GMEB1: variants seen among roughly 807,000 people sequenced by gnomAD.
GMEB1 encodes glucocorticoid modulatory element binding protein 1, also known as glucocorticoid modulatory element-binding protein 1.
Under a neutral mutation model 52.4 loss-of-function variants are expected in GMEB1, and 6 were observed. That is an observed-to-expected ratio of 0.11 (90% CI 0.06 to 0.23). The LOEUF is 0.23. Among genes scored for constraint, GMEB1 ranks in the 10% least tolerant of loss-of-function variants. The probability of loss-of-function intolerance (pLI) is 1.00; values close to 1 mark genes in which losing one functional copy is unlikely to be tolerated. For missense variants in GMEB1, 486 were observed against 685.6 expected, an observed-to-expected ratio of 0.71 and a Z score of 3.25; for synonymous variants, 255 against 244.9, an observed-to-expected ratio of 1.04 and a Z score of -0.38.
chr1:28,687,804 A>T (rs1669756239), intron 2 of GMEB1, among the ~76,000 whole-genome samples: 1 of 151,816 alleles, frequency 6.6e-6, no homozygotes, highest in Non-Finnish European at 1.5e-5. Context: ...GACTATGTGG[A>T]GTTGTGAAGG....
chr1:28,714,634 C>T lies in GMEB1; in HGVS notation c.1553C>T (p.Pro518Leu), dbSNP rs148243859. 2.3e-5 allele frequency: 37 copies of T among 1,613,904 alleles called. No homozygotes were observed. Among genetic ancestry groups the T allele is most frequent in the Non-Finnish European group, 2.9e-5 (34 of 1,180,012 alleles). The change falls in exon 10 of 10, where the codon CCG (proline) becomes CTG (leucine). Residue 518 changes from proline to leucine, a missense_variant. Physicochemically the swap from Pro to Leu is moderately conservative, Grantham distance 98. Transcript: ENST00000373816. ...ACCATCATTGAGATTGATCCAGCCC[C>T]GGACCCAGAAGCTGAAGATACTGAG... The part of the protein sequence containing the change: ...GQTIIEIDPA[P>L]DPEAEDTEGK...
chr1:28,709,263 C>A (rs1040580903), intron 8 of GMEB1, among the ~76,000 whole-genome samples: 1 of 151,958 alleles, frequency 6.6e-6, no homozygotes, highest in East Asian at 1.9e-4. Flanking sequence ...GCCAAGATTG[C>A]GCCATTGCAC....
At position 28,702,521 on chromosome 1, in the gene GMEB1, A is replaced by G; in HGVS notation, c.682A>G (p.Thr228Ala). ...EWNSALTAAV[T>A]MATEEGVKKD... is the part of the protein sequence containing the mutation. The stretch of plus-strand genomic sequence containing the variant: ...GAACTCAGCTCTCACCGCTGCTGTC[A>G]CCATGGCCACGGAGGAGGGTGTAAA... The change falls in exon 7 of 10, where the codon ACC becomes GCC. Residue 228 changes from threonine to alanine, a missense_variant. By Grantham distance (58) the Thr-to-Ala change is moderately conservative. Transcript: ENST00000373816. 1 of 1,613,758 alleles carries G rather than the reference A, an allele frequency of 6.2e-7. No homozygotes were observed. The highest frequency in any genetic ancestry group is 8.5e-7 in the Non-Finnish European group (1 of 1,179,740).
At chr1:28,697,714 C>T (rs551769966) in intron 6 of GMEB1, among the ~76,000 whole-genome samples, 2 of 152,336 alleles carry the variant, frequency 1.3e-5, no homozygotes, top group South Asian at 4.1e-4. Flanking sequence ...ACTTACATAA[C>T]AGTTTCACTT....
rs913936229 is a variant in GMEB1 at position 28,690,240 on chromosome 1, T to A, written c.211+54T>A. The A allele has an allele frequency of 7.5e-6, 6 of 795,530 alleles. 1 individual carries two copies. In the South Asian group the frequency reaches 1.0e-4, roughly 14 times the overall value. 49.3% of individuals were successfully genotyped at this position (795,530 alleles called of 1,614,324 possible). ...TTTTTTTTTTGTCATTCTAATACCT[T>A]TGACTTTAGCTTCCTTGGTTGAGTT... On this transcript the variant is annotated intron_variant, in intron 3 of 9. Transcript: ENST00000373816.
intron 6 of GMEB1, 75 bp downstream of exon 6, chr1:28,697,159 GTACATATATATATA>G (rs1191961974): frequency 1.1e-5 from 2 of 190,276 alleles, no homozygotes; most frequent in Admixed American, 9.8e-5. Context: ...TCCCTTGTGT[GTACATATATATATA>G]TATATATATA....
At chr1:28,710,455 GC>G (rs1483913880) in intron 8 of GMEB1, 64 bp from the exon 9 acceptor site, 2 of 1,315,818 alleles carry the variant, frequency 1.5e-6, no homozygotes, top group East Asian at 5.2e-5. Context: ...TTTATAAACA[GC>G]ACAATGGAGA....
rs1399256461 is a variant in GMEB1, at chr1:28,687,379, C to CAAAAAAAAAAAAAAA, written c.129-2724_129-2723insAAAAAAAAAAAAAAA. Among the ~76,000 whole-genome samples the CAAAAAAAAAAAAAAA allele has an allele frequency of 6.1e-4, 10 of 16,376 alleles. 3 individuals carry two copies. The highest frequency in any genetic ancestry group is 9.7e-4 in the African/African-American group (6 of 6,156). The allele number at this position is 16,376 out of a possible 152,430, so 10.7% of individuals were successfully genotyped here. A position where few individuals can be genotyped will look rare whatever the true frequency, so the allele number is the denominator to read the frequency against. On this transcript the variant is annotated intron_variant, in intron 2 of 9. Coordinates refer to ENST00000373816, the MANE Select transcript of GMEB1 (RefSeq NM_001319674.2). ...ACACACACACACACACACACACACA[C>CAAAAAAAAAAAAAAA]ACACACACAAAAAAAGACAGTGGAG...
At chr1:28,710,962 A>T (rs1273268834) in intron 9 of GMEB1, among the ~76,000 whole-genome samples, 1 of 152,086 alleles carries the variant, frequency 6.6e-6, no homozygotes, top group Non-Finnish European at 1.5e-5. Context: ...TACATTATTG[A>T]TACTGCATCT....
At chr1:28,677,745 TCCTTTTTG>T (rs1490188677) in intron 1 of GMEB1, among the ~76,000 whole-genome samples, 2 of 152,192 alleles carry the variant, frequency 1.3e-5, no homozygotes, top group African/African-American at 4.8e-5. Flanking sequence ...TTTATCACAT[TCCTTTTTG>T]GCCTTTTCTA....
intron 2 of GMEB1, among the ~76,000 whole-genome samples, chr1:28,686,682 A>T (rs28532240): frequency 6.6e-6 from 1 of 151,154 alleles, no homozygotes; most frequent in African/African-American, 2.4e-5. Flanking sequence ...TATTCTTTTA[A>T]GAGATTTTTC....
chr1:28,690,203 G>GTTTTTT lies in GMEB1; in HGVS notation c.211+33_211+38dup, dbSNP rs878890649. On this transcript the variant is annotated intron_variant, in intron 3 of 9. Coordinates refer to ENST00000373816, the MANE Select transcript of GMEB1 (RefSeq NM_001319674.2). ...AAGGGATTGGTAAGGGTTTTTTTGT[G>GTTTTTT]TTTTTTTTTTTTTTTTTTTTTGTCA... 3.1e-4 allele frequency: 160 copies of GTTTTTT among 515,980 alleles called. No individual in the cohort carries two copies. Among genetic ancestry groups the GTTTTTT allele is most frequent in the South Asian group, 4.7e-4 (20 of 42,632 alleles). 32.0% of individuals were successfully genotyped at this position (515,980 alleles called of 1,614,324 possible).
intron 9 of GMEB1, among the ~76,000 whole-genome samples, chr1:28,713,638 A>G (rs1156882700): frequency 6.6e-6 from 1 of 152,236 alleles, no homozygotes; most frequent in Non-Finnish European, 1.5e-5. Flanking sequence ...AGTCACCAGC[A>G]AAGGAGTTTT....
intron 1 of GMEB1, among the ~76,000 whole-genome samples, chr1:28,669,714 G>A (rs1032345701): frequency 6.6e-6 from 1 of 152,098 alleles, no homozygotes; most frequent in South Asian, 2.1e-4. Context: ...TGATGTCTAG[G>A]TGGAGAACAA....
intron 5 of GMEB1, 116 bp downstream of exon 5, chr1:28,693,161 G>T: frequency 2.2e-6 from 1 of 460,306 alleles, no homozygotes; most frequent in Non-Finnish European, 3.9e-6. Flanking sequence ...GAATTGGCTT[G>T]AGCAATCCGT....
At chr1:28,697,336 G>C (rs1670274277) in intron 6 of GMEB1, among the ~76,000 whole-genome samples, 1 of 151,696 alleles carries the variant, frequency 6.6e-6, no homozygotes, top group African/African-American at 2.4e-5. Flanking sequence ...AGCCTCCTGA[G>C]TAGCTGGGAT....
intron 4 of GMEB1, among the ~76,000 whole-genome samples, chr1:28,692,484 T>C (rs1348412328): frequency 6.6e-6 from 1 of 151,842 alleles, no homozygotes; most frequent in Non-Finnish European, 1.5e-5. Flanking sequence ...TGAGTTGAGA[T>C]TGCGCTGTTG....
chr1:28,675,546 G>A (rs1343815216), intron 1 of GMEB1, among the ~76,000 whole-genome samples: 1 of 151,946 alleles, frequency 6.6e-6, no homozygotes, highest in Non-Finnish European at 1.5e-5. Context: ...GCATGGTGGT[G>A]TGCACATGTC....
At chr1:28,687,694 G>T (rs1557504674) in intron 2 of GMEB1, among the ~76,000 whole-genome samples, 3 of 152,134 alleles carry the variant, frequency 2.0e-5, no homozygotes, top group African/African-American at 2.4e-5. Context: ...TACTAGTCTA[G>T]AGATGATGAG....
Sources: allele counts gnomAD v4.1 joint callset (sites outside exome capture counted in the v4.1 genomes callset), GRCh38; gene constraint gnomAD v4.1.1; transcripts MANE v1.5; gene names NCBI Gene and HGNC (gene_info 2026-07-23, HGNC 2026-07-21).